ACACA: variants seen among roughly 807,000 people sequenced by gnomAD.
ACACA encodes the protein acetyl-CoA carboxylase 1.
A neutral mutation model predicts 296.1 loss-of-function variants in ACACA; 103 were observed. The observed-to-expected ratio is 0.35, with a 90% CI of 0.30 to 0.41. ACACA has a LOEUF of 0.41. Ranked by LOEUF, ACACA falls within the 10% of genes least tolerant of loss-of-function variation. The pLI is 1.00. For missense variants in ACACA, 1,554 were observed against 2,989.7 expected (o/e 0.52, Z 11.20); for synonymous variants, 953 against 1,038.6 (o/e 0.92, Z 1.58).
intron 55 of ACACA, among the ~76,000 whole-genome samples, chr17:37,087,840 T>C (rs1220700383): frequency 6.6e-6 from 1 of 152,122 alleles, no homozygotes; most frequent in Admixed American, 6.6e-5. Flanking sequence ...TGACTGGTAA[T>C]TGTGGAGGGT....
intron 3 of ACACA, among the ~76,000 whole-genome samples, chr17:37,301,052 A>C (rs1160337676): frequency 6.6e-6 from 1 of 152,220 alleles, no homozygotes; most frequent in Non-Finnish European, 1.5e-5. Flanking sequence ...TTCACCATTC[A>C]AAAATGCAAA....
chr17:37,337,531 G>A (rs2048182111), intron 2 of ACACA, among the ~76,000 whole-genome samples: 1 of 151,934 alleles, frequency 6.6e-6, no homozygotes, highest in African/African-American at 2.4e-5. Context: ...CTCGTTCACT[G>A]CAGCCTCAAA....
chr17:37,388,268 A>G (rs938904275), intron 1 of ACACA, among the ~76,000 whole-genome samples: 1 of 152,166 alleles, frequency 6.6e-6, no homozygotes, highest in African/African-American at 2.4e-5. Flanking sequence ...GAAACATAGG[A>G]AAGGCGACTT....
chr17:37,352,130 G>A (rs2048934832), intron 1 of ACACA, among the ~76,000 whole-genome samples: 1 of 150,936 alleles, frequency 6.6e-6, no homozygotes, highest in Admixed American at 6.6e-5. Flanking sequence ...ATGTTACCCA[G>A]GATGGTCTCG....
intron 3 of ACACA, among the ~76,000 whole-genome samples, chr17:37,297,889 T>C (rs2083433163): frequency 1.3e-5 from 2 of 152,016 alleles, no homozygotes; most frequent in Non-Finnish European, 2.9e-5. Context: ...TTTATACATG[T>C]ATATACATAA....
intron 1 of ACACA, among the ~76,000 whole-genome samples, chr17:37,356,868 GAAA>G (rs745834279): frequency 1.3e-5 from 2 of 151,810 alleles, no homozygotes; most frequent in African/African-American, 2.4e-5. Flanking sequence ...CCAATTAAAG[GAAA>G]AAAAGATTTT....
intron 2 of ACACA, among the ~76,000 whole-genome samples, chr17:37,334,543 G>C (rs921724435): frequency 1.3e-5 from 2 of 149,622 alleles, no homozygotes; most frequent in Admixed American, 1.3e-4. Flanking sequence ...TCAAACCCTG[G>C]ATACTGCCAA....
chr17:37,260,075 T>C (rs2081378473), intron 11 of ACACA, among the ~76,000 whole-genome samples: 1 of 149,460 alleles, frequency 6.7e-6, no homozygotes, highest in Non-Finnish European at 1.5e-5. Context: ...AGAGATGGGG[T>C]TTCCCCATGT....
intron 2 of ACACA, among the ~76,000 whole-genome samples, chr17:37,334,150 C>A (rs1172024846): frequency 1.3e-5 from 2 of 152,034 alleles, no homozygotes; most frequent in African/African-American, 4.8e-5. Context: ...AGGAAACCCA[C>A]CTCGCATGGC....
intron 3 of ACACA, among the ~76,000 whole-genome samples, chr17:37,305,977 C>G (rs757241957): frequency 5.3e-4 from 75 of 140,424 alleles, no homozygotes; most frequent in Admixed American, 2.3e-3. Flanking sequence ...GGCACTATCT[C>G]GGCTCACTGC....
chr17:37,118,013 G>A (rs1325703776), intron 50 of ACACA, among the ~76,000 whole-genome samples: 1 of 152,120 alleles, frequency 6.6e-6, no homozygotes, highest in Non-Finnish European at 1.5e-5. Context: ...CTCCCCAAGG[G>A]ATGTGAAGAA....
At chr17:37,398,195 A>T (rs1220075141) in intron 1 of ACACA, among the ~76,000 whole-genome samples, 1 of 129,578 alleles carries the variant, frequency 7.7e-6, no homozygotes, top group African/African-American at 3.0e-5. Context: ...GCACCACTGC[A>T]CTCCAGCCTG....
chr17:37,279,779 C>A (rs777264965), intron 5 of ACACA, among the ~76,000 whole-genome samples: 2 of 152,098 alleles, frequency 1.3e-5, no homozygotes, highest in Non-Finnish European at 2.9e-5. Flanking sequence ...CCACTGCACT[C>A]CAGCCTGGGG....
Position 37,085,677 on chromosome 17 carries a change from G to A in ACACA, c.*1639C>T, listed in dbSNP as rs559250231. ...AGGCTCTGACTCCTGGGGGCTGTCCGCTCCATACCCAGCCATACAGTGCCC... is the reference window on the plus strand; with the variant it reads ...AGGCTCTGACTCCTGGGGGCTGTCCACTCCATACCCAGCCATACAGTGCCC... On this transcript the variant is annotated 3_prime_UTR_variant, in exon 56 of 56. Coordinates refer to ENST00000616317, the MANE Select transcript of ACACA (RefSeq NM_198834.3). 5.2e-4 allele frequency: 208 copies of A among 399,004 alleles called. No individual in the cohort carries two copies. The highest frequency in any genetic ancestry group is 6.9e-4 in the Non-Finnish European group (155 of 226,190). The allele number at this position is 399,004 out of a possible 1,614,324, so 24.7% of individuals were successfully genotyped here.
At chr17:37,364,595 AAAAAAAAAAAG>A (rs1420088002) in intron 1 of ACACA, among the ~76,000 whole-genome samples, 6 of 135,440 alleles carry the variant, frequency 4.4e-5, no homozygotes, top group Admixed American at 3.8e-4. Flanking sequence ...CGTCTCAAAA[AAAAAAAAAAAG>A]AAAAAGAAAA....
At chr17:37,120,416 C>G (rs1240354183) in intron 50 of ACACA, among the ~76,000 whole-genome samples, 3 of 152,104 alleles carry the variant, frequency 2.0e-5, no homozygotes, top group Admixed American at 1.3e-4. Context: ...CAAGCGCCCA[C>G]CACCACGCCA....
At chr17:37,299,633 G>T (rs1042635682) in intron 3 of ACACA, 1 of 1,156,124 alleles carries the variant, frequency 8.6e-7, no homozygotes, top group Non-Finnish European at 1.1e-6. Context: ...GAGGAGCCGG[G>T]GAGAAATATA....
chr17:37,167,031 AC>A (rs928528157), intron 41 of ACACA, among the ~76,000 whole-genome samples: 1 of 147,864 alleles, frequency 6.8e-6, no homozygotes, highest in African/African-American at 2.5e-5. Flanking sequence ...TACAACCTCC[AC>A]CTCCCGAGTT....
intron 41 of ACACA, among the ~76,000 whole-genome samples, chr17:37,167,350 C>A (rs2076715954): frequency 6.8e-6 from 1 of 147,874 alleles, no homozygotes; most frequent in Admixed American, 6.9e-5. Flanking sequence ...TGGCTTGCTG[C>A]AACCTGTGCC....
Sources: allele counts gnomAD v4.1 joint callset (sites outside exome capture counted in the v4.1 genomes callset), GRCh38; gene constraint gnomAD v4.1.1; transcripts MANE v1.5; gene names NCBI Gene and HGNC (gene_info 2026-07-23, HGNC 2026-07-21).